IKZF2: variants seen among roughly 807,000 people sequenced by gnomAD.
IKZF2 encodes the protein IKAROS family zinc finger 2.
Under a neutral mutation model 49.2 loss-of-function variants are expected in IKZF2, and 15 were observed. That is an observed-to-expected ratio of 0.30 (90% CI 0.20 to 0.47). The LOEUF is 0.47. Ranked by LOEUF, IKZF2 falls within the 20% of genes least tolerant of loss-of-function variation. The pLI, the probability that IKZF2 is intolerant of heterozygous loss-of-function variation, is 1.00. For missense variants in IKZF2, 567 were observed against 664.6 expected (o/e 0.85, Z 1.61); for synonymous variants, 227 against 221.4 (o/e 1.03, Z -0.23).
intron 8 of IKZF2, among the ~76,000 whole-genome samples, chr2:213,010,517 G>A (rs775015507): frequency 5.3e-5 from 8 of 152,132 alleles, no homozygotes; most frequent in Non-Finnish European, 1.2e-4. Context: ...TTCTGAGCCT[G>A]CTTCTAGGGA....
chr2:213,039,311 T>C (rs1699377581), intron 6 of IKZF2, among the ~76,000 whole-genome samples: 1 of 152,098 alleles, frequency 6.6e-6, no homozygotes, highest in African/African-American at 2.4e-5. Context: ...GGATAAAATA[T>C]AGTCCTTGGA....
At chr2:213,116,565 T>C (rs2059882004) in intron 4 of IKZF2, among the ~76,000 whole-genome samples, 1 of 152,124 alleles carries the variant, frequency 6.6e-6, no homozygotes, top group African/African-American at 2.4e-5. Flanking sequence ...TGGGATCTTG[T>C]CTGTACAAAA....
At chr2:213,082,097 G>A (rs1338230051) in intron 4 of IKZF2, among the ~76,000 whole-genome samples, 4 of 152,176 alleles carry the variant, frequency 2.6e-5, no homozygotes, top group South Asian at 2.1e-4. Flanking sequence ...ACCCAATAGT[G>A]ATGAAATATC....
At chr2:213,090,342 G>A (rs1705162180) in intron 4 of IKZF2, among the ~76,000 whole-genome samples, 1 of 152,138 alleles carries the variant, frequency 6.6e-6, no homozygotes, top group Non-Finnish European at 1.5e-5. Context: ...GTCAAGGCTG[G>A]TAAGGTCTGT....
At chr2:213,152,288 G>C (rs1321861586), upstream of IKZF2, 1 of 152,250 alleles carries the variant, frequency 6.6e-6, no homozygotes, top group Non-Finnish European at 1.5e-5. Flanking sequence ...GCCGAGTCGG[G>C]GAGTGTGCGT....
At chr2:213,028,470 C>T (rs1275558325) in intron 6 of IKZF2, among the ~76,000 whole-genome samples, 1 of 152,146 alleles carries the variant, frequency 6.6e-6, no homozygotes, top group African/African-American at 2.4e-5. Context: ...AAACCAACAT[C>T]TTAACAATAC....
intron 4 of IKZF2, among the ~76,000 whole-genome samples, chr2:213,112,250 T>C (rs2059727079): frequency 6.6e-6 from 1 of 151,292 alleles, no homozygotes; most frequent in African/African-American, 2.4e-5. Flanking sequence ...TAATTCAACT[T>C]AGTACAGATT....
intron 4 of IKZF2, 27 bp downstream of exon 4, chr2:213,147,677 CACAA>C: frequency 5.2e-6 from 8 of 1,527,914 alleles, no homozygotes; most frequent in Non-Finnish European, 6.4e-6. Flanking sequence ...GACACACACA[CACAA>C]AAAAAAATCA....
At chr2:213,098,536 C>T (rs1706277403) in intron 4 of IKZF2, among the ~76,000 whole-genome samples, 1 of 152,066 alleles carries the variant, frequency 6.6e-6, no homozygotes, top group South Asian at 2.1e-4. Flanking sequence ...ATTTTCTTTG[C>T]TTCTGAATCT....
At chr2:213,082,494 T>C (rs1704061299) in intron 4 of IKZF2, among the ~76,000 whole-genome samples, 1 of 152,186 alleles carries the variant, frequency 6.6e-6, no homozygotes, top group African/African-American at 2.4e-5. Context: ...AAAAGGTACA[T>C]TTGCACAAAA....
chr2:213,123,025 G>T (rs564904865), intron 4 of IKZF2, among the ~76,000 whole-genome samples: 2 of 152,222 alleles, frequency 1.3e-5, no homozygotes, highest in Non-Finnish European at 2.9e-5. Context: ...TCCAATAAAG[G>T]CACAGTAAAA....
intron 6 of IKZF2, among the ~76,000 whole-genome samples, chr2:213,031,158 T>C (rs188789603): frequency 5.3e-5 from 8 of 152,318 alleles, no homozygotes; most frequent in African/African-American, 1.7e-4. Flanking sequence ...TTTAACAGGA[T>C]GTGCCAGGTG....
At chr2:213,026,258 CCTT>C (rs770661176) in intron 6 of IKZF2, among the ~76,000 whole-genome samples, 7 of 152,126 alleles carry the variant, frequency 4.6e-5, no homozygotes, top group Admixed American at 3.3e-4. Flanking sequence ...CTTCCAACCT[CCTT>C]AACTCTGTTC....
chr2:213,106,479 G>A (rs1292573082), intron 4 of IKZF2, among the ~76,000 whole-genome samples: 6 of 151,708 alleles, frequency 4.0e-5, no homozygotes, highest in Non-Finnish European at 8.8e-5. Flanking sequence ...GATCTAGAGA[G>A]ATATTAGCCA....
chr2:213,076,554 AC>A (rs1356180981), intron 4 of IKZF2, among the ~76,000 whole-genome samples: 3 of 152,180 alleles, frequency 2.0e-5, no homozygotes, highest in Admixed American at 6.5e-5. Flanking sequence ...TTAACTCCAA[AC>A]GTAAATTCAT....
chr2:213,049,655 A>G, intron 6 of IKZF2, 58 bp downstream of exon 6: 1 of 1,318,906 alleles, frequency 7.6e-7, no homozygotes, highest in Non-Finnish European at 1.0e-6. Context: ...ATCATTCAAT[A>G]GTACTCTTCT....
At chr2:213,082,728 T>A (rs745653143) in intron 4 of IKZF2, among the ~76,000 whole-genome samples, 1 of 152,156 alleles carries the variant, frequency 6.6e-6, no homozygotes, top group East Asian at 1.9e-4. Flanking sequence ...GTTTGGTGAG[T>A]GTGTGAGTAA....
intron 4 of IKZF2, among the ~76,000 whole-genome samples, chr2:213,136,243 C>A (rs2060659070): frequency 7.3e-6 from 1 of 136,286 alleles, no homozygotes; most frequent in African/African-American, 2.7e-5. Context: ...TGGTGATGGG[C>A]GCCTGTAATC....
chr2:213,102,767 C>T (rs1240802429), intron 4 of IKZF2, among the ~76,000 whole-genome samples: 3 of 151,916 alleles, frequency 2.0e-5, no homozygotes, highest in Non-Finnish European at 2.9e-5. Flanking sequence ...ATATTTCCAG[C>T]TGTACCAGAA....
Sources: allele counts gnomAD v4.1 joint callset (sites outside exome capture counted in the v4.1 genomes callset), GRCh38; gene constraint gnomAD v4.1.1; transcripts MANE v1.5; gene names NCBI Gene and HGNC (gene_info 2026-07-23, HGNC 2026-07-21).